Variants in EPB41L3 observed in about 807,000 individuals in gnomAD.
The protein encoded by EPB41L3 is band 4.1-like protein 3.
In EPB41L3, 57 loss-of-function variants were observed where a neutral mutation model predicts 127.1. The observed-to-expected ratio is 0.45, with a 90% CI of 0.36 to 0.56. The LOEUF is 0.56. EPB41L3 is among the 20% of genes least tolerant of loss of function. EPB41L3 has a pLI of 0.00. For synonymous variants in EPB41L3, 572 were observed against 549.5 expected, an observed-to-expected ratio of 1.04 and a Z score of -0.57; for missense variants, 1,273 against 1,372.2, an observed-to-expected ratio of 0.93 and a Z score of 1.14.
Position 5,397,123 on chromosome 18 carries a change from G to A in EPB41L3, c.2776C>T (p.Arg926Ter), listed in dbSNP as rs1337695683. 3 of 1,613,908 alleles carry A rather than the reference G, an allele frequency of 1.9e-6. No homozygotes were observed. Among genetic ancestry groups the A allele is most frequent in the East Asian group, 2.2e-5 (1 of 44,892 alleles). Reference protein sequence around the residue: ...QEETAAASRERQEEQSAAIHI... With the variant: ...QEETAAASRE Reference sequence around the variant, plus strand: ...ATGGCTGCACTCTGCTCCTCTTGTCGCTCACGGGAAGCAGCGGCTGTCTCT... The same window carrying A: ...ATGGCTGCACTCTGCTCCTCTTGTCACTCACGGGAAGCAGCGGCTGTCTCT... The change falls in exon 18 of 23, where the codon CGA becomes TGA. Residue 926 changes from arginine (R) to a stop codon, truncating the protein, a stop_gained. Coordinates refer to ENST00000341928, the MANE Select transcript of EPB41L3 (RefSeq NM_012307.5). LOFTEE classifies it high-confidence loss of function. This position sits in a 1 kb window ranked among gnomAD's most constrained non-coding sequence, Gnocchi z 4.1.
chr18:5,491,438 C>T (rs911872604), intron 1 of EPB41L3, among the ~76,000 whole-genome samples: 5 of 152,184 alleles, frequency 3.3e-5, no homozygotes, highest in African/African-American at 4.8e-5. Flanking sequence ...GTCGGGAAAC[C>T]GTTTTGCACC....
chr18:5,502,351 T>A (rs1223573076), intron 1 of EPB41L3, among the ~76,000 whole-genome samples: 1 of 152,120 alleles, frequency 6.6e-6, no homozygotes, highest in Non-Finnish European at 1.5e-5. Context: ...TCTTTTAAAA[T>A]TTTTTATAGG....
chr18:5,583,315 T>C (rs2094412495), intron 3 of EPB41L3, among the ~76,000 whole-genome samples: 1 of 152,126 alleles, frequency 6.6e-6, no homozygotes, highest in African/African-American at 2.4e-5. Context: ...CTGGAGAAGT[T>C]CAGTGACCCC....
chr18:5,422,862 G>A (rs1228746279), intron 11 of EPB41L3, among the ~76,000 whole-genome samples: 1 of 152,140 alleles, frequency 6.6e-6, no homozygotes, highest in African/African-American at 2.4e-5. Flanking sequence ...GCACAACTAG[G>A]AGAATTTAAC....
intron 3 of EPB41L3, among the ~76,000 whole-genome samples, chr18:5,460,595 A>C (rs1422901496): frequency 6.6e-6 from 1 of 152,208 alleles, no homozygotes; most frequent in Non-Finnish European, 1.5e-5. Flanking sequence ...AATGGTTATT[A>C]AAGGTTTGCT....
chr18:5,396,512 C>T (rs2073508205), intron 18 of EPB41L3, among the ~76,000 whole-genome samples, 180 bp from the exon 19 acceptor site: 1 of 151,712 alleles, frequency 6.6e-6, no homozygotes, highest in Non-Finnish European at 1.5e-5. Context: ...ACTCTCATAG[C>T]ACTTTTATAT....
intron 5 of EPB41L3, 66 bp downstream of exon 5, chr18:5,443,772 C>T (rs1053673086): frequency 1.5e-6 from 2 of 1,362,522 alleles, no homozygotes; most frequent in African/African-American, 1.5e-5. Flanking sequence ...TATGGGCTAC[C>T]AATTCAGACA....
chr18:5,593,521 G>A (rs562067258), intron 3 of EPB41L3, among the ~76,000 whole-genome samples: 1 of 152,222 alleles, frequency 6.6e-6, no homozygotes, highest in Admixed American at 6.5e-5. Flanking sequence ...AATGGAGGCA[G>A]GGCGAGATCA....
At chr18:5,438,249 A>G in intron 5 of EPB41L3, 139 bp from the exon 6 acceptor site, 2 of 643,738 alleles carry the variant, frequency 3.1e-6, no homozygotes, top group South Asian at 2.0e-5. Context: ...AACCTTGGTC[A>G]CATGAAATCT....
intron 3 of EPB41L3, among the ~76,000 whole-genome samples, chr18:5,603,041 A>T (rs1171521272): frequency 6.6e-6 from 1 of 152,186 alleles, no homozygotes; most frequent in Admixed American, 6.5e-5. Flanking sequence ...CCCTATCATC[A>T]ACACTGCCTC....
chr18:5,602,151 T>A (rs907819814), intron 3 of EPB41L3, among the ~76,000 whole-genome samples: 2 of 152,216 alleles, frequency 1.3e-5, no homozygotes, highest in African/African-American at 4.8e-5. Flanking sequence ...GTAAAGAAGT[T>A]TGACCTTCTG....
intron 3 of EPB41L3, among the ~76,000 whole-genome samples, chr18:5,458,911 G>A (rs1199837141): frequency 1.3e-5 from 2 of 151,920 alleles, no homozygotes; most frequent in Non-Finnish European, 2.9e-5. Flanking sequence ...AATTTTCATG[G>A]GTTAAAATTA....
At chr18:5,490,229 G>A (rs905934481) in intron 1 of EPB41L3, among the ~76,000 whole-genome samples, 1 of 152,150 alleles carries the variant, frequency 6.6e-6, no homozygotes, top group Non-Finnish European at 1.5e-5. Flanking sequence ...TAGGTATATG[G>A]AGTAAGTATC....
chr18:5,468,974 G>C (rs896773239), intron 3 of EPB41L3, among the ~76,000 whole-genome samples: 3 of 151,876 alleles, frequency 2.0e-5, no homozygotes, highest in Non-Finnish European at 2.9e-5. Flanking sequence ...AAAACAAAAA[G>C]AGGAAAAAGA....
At chr18:5,603,899 T>C (rs2094618086) in intron 3 of EPB41L3, among the ~76,000 whole-genome samples, 1 of 151,946 alleles carries the variant, frequency 6.6e-6, no homozygotes, top group Non-Finnish European at 1.5e-5. Flanking sequence ...TTGAATGAGA[T>C]ATTATTTGGG....
chr18:5,541,586 G>A (rs1310774029), intron 1 of EPB41L3, among the ~76,000 whole-genome samples: 1 of 152,044 alleles, frequency 6.6e-6, no homozygotes, highest in Admixed American at 6.6e-5. Context: ...TAATACATTT[G>A]ACCAACCAGT....
At chr18:5,597,136 T>G (rs2094544453) in intron 3 of EPB41L3, among the ~76,000 whole-genome samples, 2 of 152,150 alleles carry the variant, frequency 1.3e-5, no homozygotes, top group African/African-American at 2.4e-5. Flanking sequence ...TTGCCTCACC[T>G]CAATCTGGGT....
intron 2 of EPB41L3, among the ~76,000 whole-genome samples, chr18:5,482,485 T>C (rs1458563675): frequency 1.3e-5 from 2 of 152,162 alleles, no homozygotes; most frequent in Non-Finnish European, 2.9e-5. Flanking sequence ...TCGTGAAAGA[T>C]ATAAATATTC....
chr18:5,511,643 G>A (rs922386928), intron 1 of EPB41L3, among the ~76,000 whole-genome samples: 6 of 151,982 alleles, frequency 3.9e-5, no homozygotes, highest in African/African-American at 1.5e-4. Flanking sequence ...TTTCAGAGAG[G>A]TGATCCCCAG....
Sources: allele counts gnomAD v4.1 joint callset (sites outside exome capture counted in the v4.1 genomes callset), GRCh38; gene constraint gnomAD v4.1.1; non-coding constraint Gnocchi (gnomAD v3.1); transcripts MANE v1.5; gene names NCBI Gene and HGNC (gene_info 2026-07-23, HGNC 2026-07-21).